CPNE9: variants seen among roughly 807,000 people sequenced by gnomAD.
CPNE9 encodes the protein copine-9.
A neutral mutation model predicts 83.0 loss-of-function variants in CPNE9; 59 were observed. The ratio of observed to expected loss-of-function variants is 0.71; its 90% CI spans 0.58 to 0.88. CPNE9 has a LOEUF of 0.88. Among genes scored for constraint, CPNE9 ranks in the 40% least tolerant of loss-of-function variants. The probability of loss-of-function intolerance (pLI) is 0.00; values close to 1 mark genes in which losing one functional copy is unlikely to be tolerated. For missense variants in CPNE9, 619 were observed against 720.8 expected (o/e 0.86, Z 1.62); for synonymous variants, 256 against 273.4 (o/e 0.94, Z 0.63).
intron 7 of CPNE9, among the ~76,000 whole-genome samples, chr3:9,708,623 C>A (rs1026608369): frequency 2.0e-5 from 3 of 152,092 alleles, no homozygotes; most frequent in Non-Finnish European, 2.9e-5. Context: ...AATGGAAGAG[C>A]GGGAAAGGAG....
chr3:9,709,506 T>C (rs1403085102), intron 7 of CPNE9, among the ~76,000 whole-genome samples: 8 of 150,656 alleles, frequency 5.3e-5, no homozygotes, highest in African/African-American at 1.9e-4. Context: ...GTAGCTTGGA[T>C]TACAGGCGCC....
At chr3:9,721,281 C>G (rs1437272516) in intron 17 of CPNE9, among the ~76,000 whole-genome samples, 1 of 152,180 alleles carries the variant, frequency 6.6e-6, no homozygotes, top group Non-Finnish European at 1.5e-5. Context: ...CAAGCGACAG[C>G]GTCCCTCTGG....
chr3:9,713,438 G>T (rs1034164117), intron 10 of CPNE9, among the ~76,000 whole-genome samples: 1 of 152,150 alleles, frequency 6.6e-6, no homozygotes, highest in African/African-American at 2.4e-5. Flanking sequence ...GGGTAGAGGG[G>T]CAGATAAATG....
chr3:9,706,718 T>C (rs1027527822), intron 7 of CPNE9, among the ~76,000 whole-genome samples: 2 of 151,906 alleles, frequency 1.3e-5, no homozygotes, highest in Non-Finnish European at 2.9e-5. Context: ...AATGGGTGAG[T>C]GGGAGGTGCA....
intron 7 of CPNE9, among the ~76,000 whole-genome samples, chr3:9,707,803 A>C (rs1246336434): frequency 1.3e-5 from 2 of 151,714 alleles, no homozygotes; most frequent in African/African-American, 4.8e-5. Flanking sequence ...AAAAAAAAAA[A>C]AAAAACGTGA....
rs114783106 is a variant in CPNE9, at chr3:9,718,001, T to G, written c.932-28T>G. 7.8e-4 allele frequency: 1,230 copies of G among 1,572,450 alleles called. 10 individuals are homozygous for G. In the African/African-American group the frequency reaches 0.015, roughly 19 times the overall value. On this transcript the variant is annotated intron_variant, in intron 15 of 20. Coordinates refer to ENST00000383832, the MANE Select transcript of CPNE9 (RefSeq NM_153635.3). ...AACAGATGGATGATCCAGATGATCATGAGGCTGGGGTTCCTGTGTCCCTAC... is the reference window on the plus strand; with the variant it reads ...AACAGATGGATGATCCAGATGATCAGGAGGCTGGGGTTCCTGTGTCCCTAC...
At chr3:9,722,165 C>T (rs555571650) in intron 17 of CPNE9, among the ~76,000 whole-genome samples, 1 of 151,564 alleles carries the variant, frequency 6.6e-6, no homozygotes, top group African/African-American at 2.4e-5. Context: ...GATCCACCCC[C>T]CCCCGCCACC....
intron 10 of CPNE9, among the ~76,000 whole-genome samples, chr3:9,713,393 T>C (rs778960887): frequency 1.7e-4 from 26 of 152,072 alleles, no homozygotes; most frequent in South Asian, 6.2e-4. Context: ...TGGTTGGATA[T>C]GTATGTGGAT....
intron 10 of CPNE9, 108 bp from the exon 11 acceptor site, chr3:9,714,806 G>A: frequency 9.5e-6 from 9 of 943,706 alleles, no homozygotes; most frequent in Non-Finnish European, 1.5e-5. Flanking sequence ...AACTTAATGG[G>A]AAGACAGATG....
chr3:9,727,252 C>T, intron 20 of CPNE9, 66 bp downstream of exon 20: 1 of 1,529,856 alleles, frequency 6.5e-7, no homozygotes, highest in East Asian at 2.2e-5. Context: ...AGTTGGGAGC[C>T]ACTTTCACTT....
chr3:9,719,807 G>A (rs7615153), intron 17 of CPNE9, among the ~76,000 whole-genome samples: 2,172 of 151,924 alleles, frequency 0.014, 55 homozygotes, highest in African/African-American at 0.048. Flanking sequence ...GCCTGGCCAA[G>A]ATGGTGAAAC....
intron 17 of CPNE9, among the ~76,000 whole-genome samples, chr3:9,722,623 T>C (rs1046589054): frequency 1.3e-5 from 2 of 151,924 alleles, no homozygotes; most frequent in African/African-American, 4.8e-5. Context: ...CGATCCTCCC[T>C]CCCACCTCAG....
intron 17 of CPNE9, among the ~76,000 whole-genome samples, chr3:9,725,626 ATATGTATATACATG>A (rs1369513634): frequency 1.3e-4 from 17 of 132,690 alleles, no homozygotes; most frequent in African/African-American, 5.3e-4. Flanking sequence ...ATGTGTATAT[ATATGTATATACATG>A]TATGTGTATA....
At chr3:9,716,710 G>A (rs1479623358) in intron 14 of CPNE9, among the ~76,000 whole-genome samples, 1 of 152,218 alleles carries the variant, frequency 6.6e-6, no homozygotes, top group Non-Finnish European at 1.5e-5. Context: ...GACCTCAGGT[G>A]ATCCACCCTC....
intron 7 of CPNE9, among the ~76,000 whole-genome samples, chr3:9,709,722 G>C (rs770518085): frequency 2.9e-4 from 44 of 151,770 alleles, no homozygotes; most frequent in Non-Finnish European, 5.3e-4. Flanking sequence ...CCTGTAATCC[G>C]AGCACTTTAG....
chr3:9,704,562 C>CT lies in CPNE9; in HGVS notation c.69-24dup, dbSNP rs767180703. ...CGGGCGGACTCCAGGATGATCCACT[C>CT]TGTCTGTCTGTTGCTTTTCTCTAGG... On this transcript the variant is annotated intron_variant, in intron 1 of 20. Coordinates refer to ENST00000383832, the MANE Select transcript of CPNE9 (RefSeq NM_153635.3). The surrounding 1 kb of genome is among the most constrained non-coding windows in gnomAD (Gnocchi z 7.1). 3 of 1,606,856 alleles carry CT rather than the reference C, an allele frequency of 1.9e-6. No individual in the cohort carries two copies. In the Admixed American group the frequency reaches 5.0e-5, roughly 27 times the overall value.
intron 7 of CPNE9, among the ~76,000 whole-genome samples, chr3:9,710,978 A>G (rs1053541150): frequency 6.6e-6 from 1 of 152,064 alleles, no homozygotes; most frequent in Non-Finnish European, 1.5e-5. Context: ...GCAGTGAGCT[A>G]TGATTGTGCC....
At chr3:9,707,136 G>A (rs1300199305) in intron 7 of CPNE9, among the ~76,000 whole-genome samples, 4 of 152,038 alleles carry the variant, frequency 2.6e-5, no homozygotes, top group East Asian at 1.9e-4. Flanking sequence ...GGCGGATCAC[G>A]AGGTCAGGAG....
Position 9,710,381 on chromosome 3 carries a change from G to A in CPNE9, c.378-2160G>A. Reference sequence around the variant, plus strand: ...GGGTGAAGATACTGGTGGCAAGGTAGGTGTGGTGGTGGGTGGACATTCTCT... The same window carrying A: ...GGGTGAAGATACTGGTGGCAAGGTAAGTGTGGTGGTGGGTGGACATTCTCT... On this transcript the variant is annotated intron_variant, in intron 7 of 20. Coordinates refer to ENST00000383832, the MANE Select transcript of CPNE9 (RefSeq NM_153635.3). Among the ~76,000 whole-genome samples, 2 of 152,174 alleles carry A rather than the reference G, an allele frequency of 1.3e-5. 1 individual carries two copies.
Sources: allele counts gnomAD v4.1 joint callset (sites outside exome capture counted in the v4.1 genomes callset), GRCh38; gene constraint gnomAD v4.1.1; non-coding constraint Gnocchi (gnomAD v3.1); transcripts MANE v1.5; gene names NCBI Gene and HGNC (gene_info 2026-07-23, HGNC 2026-07-21).